Variants in POR observed in about 807,000 individuals in gnomAD.
POR encodes the protein NADPH--cytochrome P450 reductase.
A neutral mutation model predicts 84.0 loss-of-function variants in POR; 56 were observed. The ratio of observed to expected loss-of-function variants is 0.67; its 90% CI spans 0.54 to 0.83. The LOEUF (loss-of-function observed/expected upper bound fraction) is 0.83. Ranked by LOEUF, POR falls within the 40% of genes least tolerant of loss-of-function variation. POR has a pLI of 0.00. For synonymous variants in POR, 414 were observed against 400.5 expected, an observed-to-expected ratio of 1.03 and a Z score of -0.40; for missense variants, 938 against 944.3, an observed-to-expected ratio of 0.99 and a Z score of 0.09.
At chr7:75,923,087 C>G (rs1806955926) in intron 1 of POR, 1 of 724,398 alleles carries the variant, frequency 1.4e-6, no homozygotes, top group Non-Finnish European at 2.5e-6. Flanking sequence ...AGACTTAAAC[C>G]TAAAAATGCA....
intron 1 of POR, among the ~76,000 whole-genome samples, chr7:75,926,186 G>C (rs1554549482): frequency 1.0e-5 from 1 of 98,766 alleles, no homozygotes; most frequent in African/African-American, 8.0e-5. Context: ...TTGCAGAGAT[G>C]GGGTCTTGCT....
At chr7:75,954,920 C>T (rs1787618003) in intron 2 of POR, among the ~76,000 whole-genome samples, 1 of 152,090 alleles carries the variant, frequency 6.6e-6, no homozygotes, top group Non-Finnish European at 1.5e-5. Context: ...GTTGGCCAGG[C>T]TGGTCTCAAA....
At chr7:75,950,108 G>A (rs1405303685) in intron 1 of POR, among the ~76,000 whole-genome samples, 1 of 151,500 alleles carries the variant, frequency 6.6e-6, no homozygotes, top group African/African-American at 2.4e-5. Context: ...CTGACCTCGT[G>A]ATCCACCCGC....
At chr7:75,956,263 C>G (rs921191105) in intron 2 of POR, among the ~76,000 whole-genome samples, 1 of 152,162 alleles carries the variant, frequency 6.6e-6, no homozygotes, top group Non-Finnish European at 1.5e-5. Context: ...TGCGCCACTG[C>G]ATTCCAGCCT....
chr7:75,923,299 TC>T, intron 1 of POR: 1 of 1,209,514 alleles, frequency 8.3e-7, no homozygotes, highest in Non-Finnish European at 1.2e-6. Flanking sequence ...AGGAAGCATT[TC>T]CAGGAGATCT....
At chr7:75,927,113 C>G (rs1041319948) in intron 1 of POR, among the ~76,000 whole-genome samples, 1 of 152,180 alleles carries the variant, frequency 6.6e-6, no homozygotes. Context: ...CTGGTTCCAC[C>G]ATTTATCGAT....
chr7:75,985,364 A>C, intron 12 of POR, 157 bp downstream of exon 12: 1 of 1,174,446 alleles, frequency 8.5e-7, no homozygotes, highest in Non-Finnish European at 1.2e-6. Context: ...CTGTGGACTC[A>C]GTCGGGCTGG....
rs926920351 is a variant in POR at position 75,986,723 on chromosome 7, C to G, written c.*242C>G. 1.7e-6 allele frequency: 1 copy of G among 598,888 alleles called. No individual in the cohort carries two copies. The highest frequency in any genetic ancestry group is 2.9e-6 in the Non-Finnish European group (1 of 340,042). The allele number at this position is 598,888 out of a possible 1,614,324, so 37.1% of individuals were successfully genotyped here. A position where few individuals can be genotyped will look rare whatever the true frequency, so the allele number is the denominator to read the frequency against. On this transcript the variant is annotated 3_prime_UTR_variant, in exon 16 of 16. Coordinates refer to ENST00000461988, the MANE Select transcript of POR (RefSeq NM_000941.3). ...CCGGGCTCCATGCCTCTGGAGGCCT[C>G]TGGCCCTCGGTGGCTGCACAGAAGG...
At chr7:75,951,563 A>G (rs972257153) in intron 1 of POR, among the ~76,000 whole-genome samples, 1 of 152,110 alleles carries the variant, frequency 6.6e-6, no homozygotes, top group Admixed American at 6.6e-5. Flanking sequence ...CAACCCTCGG[A>G]TGCCCTGGCT....
chr7:75,963,683 GC>G (rs1250935930), intron 2 of POR, among the ~76,000 whole-genome samples: 1 of 152,178 alleles, frequency 6.6e-6, no homozygotes, highest in Non-Finnish European at 1.5e-5. Flanking sequence ...GGGATGAGAT[GC>G]CCCCACAGGA....
intron 1 of POR, among the ~76,000 whole-genome samples, chr7:75,925,321 A>G (rs1244284710): frequency 6.7e-6 from 1 of 150,364 alleles, no homozygotes; most frequent in African/African-American, 2.4e-5. Flanking sequence ...CAGCCTGGGC[A>G]AGAGAGAGAG....
chr7:75,980,828 CT>C (rs1348507537), intron 5 of POR: 7 of 1,180,518 alleles, frequency 5.9e-6, no homozygotes, highest in Non-Finnish European at 8.1e-6. Context: ...TGGGTTGAGG[CT>C]GGCAGTGGAC....
intron 2 of POR, among the ~76,000 whole-genome samples, chr7:75,958,068 TG>T (rs1413039043): frequency 1.5e-4 from 23 of 152,190 alleles, no homozygotes; most frequent in African/African-American, 5.5e-4. Context: ...TAGAGCTCTT[TG>T]CTCAGTTCCT....
Position 75,981,504 on chromosome 7 carries a change from C to T in POR, c.642-13C>T. ...TCCCCTGAGCCGCTCCCCCTCTCCT[C>T]TCCTCGGCCCAGCTTGGAGGAGGAC... On this transcript the variant is annotated splice_polypyrimidine_tract_variant and intron_variant, in intron 6 of 15. Transcript: ENST00000461988. The T allele has an allele frequency of 1.9e-6, 3 of 1,608,504 alleles. No homozygotes were observed. The highest frequency in any genetic ancestry group is 2.5e-6 in the Non-Finnish European group (3 of 1,177,922).
intron 1 of POR, among the ~76,000 whole-genome samples, chr7:75,938,890 G>A (rs947490245): frequency 2.7e-4 from 41 of 152,222 alleles, no homozygotes; most frequent in African/African-American, 9.6e-4. Flanking sequence ...TTCCTCTATC[G>A]GTAGCTTCGC....
chr7:75,922,905 A>C, intron 1 of POR: 1 of 642,944 alleles, frequency 1.6e-6, no homozygotes, highest in Non-Finnish European at 2.8e-6. Flanking sequence ...GGTTTAAACG[A>C]CTGGAATCAT....
chr7:75,982,241 T>C lies in POR; in HGVS notation c.749T>C (p.Leu250Pro). 1.9e-6 allele frequency: 3 copies of C among 1,611,996 alleles called. No homozygotes were observed. Among genetic ancestry groups the C allele is most frequent in the Middle Eastern group, 1.6e-4 (1 of 6,062 alleles). ...CTTTCCAGCATTCGCCAGTACGAGCTTGTGGTCCACACCGACATAGATGCG... is the reference window on the plus strand; with the variant it reads ...CTTTCCAGCATTCGCCAGTACGAGCCTGTGGTCCACACCGACATAGATGCG... The change falls in exon 8 of 16, where the codon CTT becomes CCT. Residue 250 changes from leucine to proline, a missense_variant. By Grantham distance (98) the Leu-to-Pro change is moderately conservative. Transcript: ENST00000461988.
In POR at chr7:75,981,086, T is replaced by A. The variant is rs1317167866; in HGVS notation, c.555T>A (p.Asn185Lys). The change falls in exon 6 of 16, where the codon AAT becomes AAA. Residue 185 changes from asparagine to lysine, a missense_variant. Coordinates refer to ENST00000461988, the MANE Select transcript of POR (RefSeq NM_000941.3). ...GGAACAAGACCTACGAGCACTTCAA[T>A]GCCATGGGCAAGTACGTGGACAAGC... 4 of 1,574,774 alleles carry A rather than the reference T, an allele frequency of 2.5e-6. No homozygotes were observed. The highest frequency in any genetic ancestry group is 3.4e-6 in the Non-Finnish European group (4 of 1,160,994).
intron 1 of POR, among the ~76,000 whole-genome samples, chr7:75,916,334 C>T (rs1219061892): frequency 1.3e-5 from 2 of 152,184 alleles, no homozygotes; most frequent in Non-Finnish European, 1.5e-5. Context: ...TTGGGTCTTG[C>T]TTTATGGAGA....
Sources: allele counts gnomAD v4.1 joint callset (sites outside exome capture counted in the v4.1 genomes callset), GRCh38; gene constraint gnomAD v4.1.1; transcripts MANE v1.5; gene names NCBI Gene and HGNC (gene_info 2026-07-23, HGNC 2026-07-21).